The following PPP1R26 variants were observed in gnomAD, a reference collection of about 807,000 sequenced individuals.
PPP1R26 encodes the protein 1A6/DRIM (down-regulated in metastasis) interacting protein.
PPP1R26 carries 22 observed loss-of-function variants against 67.6 expected under a neutral mutation model. The ratio of observed to expected loss-of-function variants is 0.33; its 90% CI spans 0.23 to 0.46. The LOEUF (loss-of-function observed/expected upper bound fraction) is 0.46, where lower values mean the gene tolerates loss of function less well. Among genes scored for constraint, PPP1R26 ranks in the 20% least tolerant of loss-of-function variants. The probability of loss-of-function intolerance (pLI) is 1.00; values close to 1 mark genes in which losing one functional copy is unlikely to be tolerated. For synonymous variants in PPP1R26, 729 were observed against 717.2 expected (o/e 1.02, Z -0.26); for missense variants, 1,602 against 1,651.4 (o/e 0.97, Z 0.52).
chr9:135,487,011 A>G lies in PPP1R26; in HGVS notation c.2501A>G (p.Asn834Ser). 6.2e-7 allele frequency: 1 copy of G among 1,612,084 alleles called. No individual in the cohort carries two copies. Among genetic ancestry groups the G allele is most frequent in the Non-Finnish European group, 8.5e-7 (1 of 1,179,818 alleles). The stretch of plus-strand genomic sequence containing the variant: ...GATGACAGCAGTTCAGTGGACAGCA[A>G]CGACAGCATCGAACTGGAGATTAGG... ...LSDDSSSVDS[N>S]DSIELEIRKF... The change falls in exon 4 of 4, where the codon AAC becomes AGC. Residue 834 changes from asparagine (N) to serine (S), a missense_variant. Coordinates refer to ENST00000356818, the MANE Select transcript of PPP1R26 (RefSeq NM_014811.5).
rs750336238 is a variant in PPP1R26, at chr9:135,485,939, A to T, written c.1429A>T (p.Thr477Ser). 1 of 1,613,396 alleles carries T rather than the reference A, an allele frequency of 6.2e-7. No individual in the cohort carries two copies. Residue 477 changes from threonine (T) to serine (S), a missense_variant, in exon 4 of 4, where the codon ACA becomes TCA. By Grantham distance (58) the Thr-to-Ser change is moderately conservative. This residue lies in a region of PPP1R26 where 680 missense variants were observed against 726.1 expected (regional missense o/e 0.94). Coordinates refer to ENST00000356818, the MANE Select transcript of PPP1R26 (RefSeq NM_014811.5). This position sits in a 1 kb window ranked among gnomAD's most constrained non-coding sequence, Gnocchi z 7.2. ...FVERSSCRAD[T>S]SAELMCAEAI... Reference sequence around the variant, plus strand: ...GGAACGGTCCTCGTGCCGGGCGGACACATCTGCTGAGCTGATGTGTGCAGA... The same window carrying T: ...GGAACGGTCCTCGTGCCGGGCGGACTCATCTGCTGAGCTGATGTGTGCAGA...
At position 135,484,853 on chromosome 9, in the gene PPP1R26, G is replaced by A. The variant is rs1326104941; in HGVS notation, c.343G>A (p.Asp115Asn). 6.2e-7 allele frequency: 1 copy of A among 1,609,658 alleles called. No individual in the cohort carries two copies. The highest frequency in any genetic ancestry group is 1.1e-5 in the South Asian group (1 of 90,818). The change falls in exon 4 of 4, where the codon GAC becomes AAC. Residue 115 changes from aspartate (D) to asparagine (N), a missense_variant. Around this residue, in one of 5 missense-constraint regions of PPP1R26, gnomAD observed 168 missense variants for 176.1 expected, o/e 0.95. Transcript: ENST00000356818. ...CCCCATGGGGGAGGAGGAAACTACA[G>A]ACTTTGGCCCGTTGGTGCTAGATTC... is the stretch of plus-strand genomic sequence containing the variant. ...FDPMGEEETT[D>N]FGPLVLDSDS...
Position 135,482,212 on chromosome 9 carries a change from T to C in PPP1R26, c.-328-471T>C, listed in dbSNP as rs1287369149. Among the ~76,000 whole-genome samples, 3 of 152,258 alleles carry C rather than the reference T, an allele frequency of 2.0e-5. No individual in the cohort carries two copies. In the East Asian group the frequency reaches 5.8e-4, roughly 29 times the overall value. On this transcript the variant is annotated intron_variant, in intron 1 of 3. Transcript: ENST00000356818. Reference sequence around the variant, plus strand: ...TCAGCCCAAGGCTAATGCAAATGTTTTGTCATTTATGTCATTTTGCAGAGG... The same window carrying C: ...TCAGCCCAAGGCTAATGCAAATGTTCTGTCATTTATGTCATTTTGCAGAGG...
In PPP1R26 at chr9:135,487,065, CAGTG is replaced by C. The variant is rs1830765427; in HGVS notation, c.2558_2561del (p.Val853AlafsTer100). 1 of 1,611,262 alleles carries C rather than the reference CAGTG, an allele frequency of 6.2e-7. No individual in the cohort carries two copies. Among genetic ancestry groups the C allele is most frequent in the African/African-American group, 1.3e-5 (1 of 74,888 alleles). On this transcript the variant is annotated frameshift_variant, in exon 4 of 4. Transcript: ENST00000356818. LOFTEE classifies it high-confidence loss of function. ...TTTTTGGCGGAAAAGGCCAAGGAGT[CAGTG>C]AGCAGTTCAGAAGTTCAGGCAGAGG...
In PPP1R26 at chr9:135,487,931, G is replaced by A. The variant is rs201978625; in HGVS notation, c.3421G>A (p.Gly1141Ser). The A allele has an allele frequency of 1.1e-5, 17 of 1,582,706 alleles. No individual in the cohort carries two copies. The highest frequency in any genetic ancestry group is 3.5e-5 in the South Asian group (3 of 86,682). ...CCCACACTTGCTGGCAAAGAAGGAC[G>A]GCGGCCCCTGGCCAACCAGGAAGGC... ...GSPHLLAKKDGGPWPTRKAQA... is the reference protein window; with the variant it reads ...GSPHLLAKKDSGPWPTRKAQA... Residue 1141 changes from glycine to serine, a missense_variant, in exon 4 of 4, where the codon GGC becomes AGC. Gly to Ser is a moderately conservative substitution (Grantham distance 56). This residue lies in a region of PPP1R26 where 740 missense variants were observed against 696.3 expected (regional missense o/e 1.06). Coordinates refer to ENST00000356818, the MANE Select transcript of PPP1R26 (RefSeq NM_014811.5).
At chr9:135,482,987 C>CTTT (rs57608324) in intron 2 of PPP1R26, among the ~76,000 whole-genome samples, 172 bp downstream of exon 2, 34 of 112,044 alleles carry the variant, frequency 3.0e-4, no homozygotes, top group Non-Finnish European at 3.6e-4. Flanking sequence ...TTCTTTCTTT[C>CTTT]TTTTTTTTTT....
In PPP1R26 at chr9:135,487,665, G is replaced by A. The variant is rs757883136; in HGVS notation, c.3155G>A (p.Arg1052Lys). The change falls in exon 4 of 4, where the codon AGG (arginine) becomes AAG (lysine). Residue 1052 changes from arginine to lysine, a missense_variant. Physicochemically the swap from Arg to Lys is conservative, Grantham distance 26 (BLOSUM62 2). Transcript: ENST00000356818. ...LRSEGRDAVW[R>K]GGVGSERDKG... The stretch of plus-strand genomic sequence containing the variant: ...TCCGAAGGCAGAGATGCAGTGTGGA[G>A]GGGGGGCGTCGGGAGCGAGAGAGAC... 3.4e-6 allele frequency: 5 copies of A among 1,463,302 alleles called. No individual in the cohort carries two copies. The Admixed American group carries it at 1.3e-4, about 39-fold the overall frequency. The allele number at this position is 1,463,302 out of a possible 1,614,324, so 90.6% of individuals were successfully genotyped here.
chr9:135,482,983 C>CTTTTTGTTTTTTTTTTTTTTTTT (rs1360229729), intron 2 of PPP1R26, among the ~76,000 whole-genome samples, 168 bp downstream of exon 2: 1 of 125,778 alleles, frequency 8.0e-6, no homozygotes, highest in South Asian at 3.0e-4. Flanking sequence ...CTTTTTCTTT[C>CTTTTTGTTTTTTTTTTTTTTTTT]TTTCTTTTTT....
intron 1 of PPP1R26, among the ~76,000 whole-genome samples, chr9:135,481,083 C>T (rs1401464791): frequency 6.6e-6 from 1 of 152,146 alleles, no homozygotes; most frequent in Admixed American, 6.5e-5. Flanking sequence ...CCACCGCTTC[C>T]TAAAATCTGA....
chr9:135,484,370 T>G (rs2119270285), intron 3 of PPP1R26, 79 bp from the exon 4 acceptor site: 1 of 790,910 alleles, frequency 1.3e-6, no homozygotes, highest in African/African-American at 1.7e-5. Flanking sequence ...GACATGCTGT[T>G]CCTCTGGGGC....
upstream of PPP1R26, chr9:135,479,608 C>T (rs1329971919): frequency 6.9e-6 from 1 of 145,116 alleles, no homozygotes; most frequent in African/African-American, 2.5e-5. The surrounding 1 kb of genome is among the most constrained non-coding windows in gnomAD (Gnocchi z 5.9). Flanking sequence ...TGGGCGCGCT[C>T]TCGCGGGCGG....
At position 135,485,273 on chromosome 9, in the gene PPP1R26, A is replaced by G. The variant is rs1391413392; in HGVS notation, c.763A>G (p.Thr255Ala). ...TGGGTCAGTGGAGAAGAAACCAGAC[A>G]CAAATGAAAATTCCGCCAAGTCACT... ...CDGSVEKKPD[T>A]NENSAKSLLK... The change falls in exon 4 of 4, where the codon ACA (threonine) becomes GCA (alanine). Residue 255 changes from threonine (T) to alanine (A), a missense_variant. Physicochemically the swap from Thr to Ala is moderately conservative, Grantham distance 58. This residue lies in a region of PPP1R26 where 680 missense variants were observed against 726.1 expected (regional missense o/e 0.94). Coordinates refer to ENST00000356818, the MANE Select transcript of PPP1R26 (RefSeq NM_014811.5). The surrounding 1 kb of genome is among the most constrained non-coding windows in gnomAD (Gnocchi z 7.2). 5 of 1,612,848 alleles carry G rather than the reference A, an allele frequency of 3.1e-6. No individual in the cohort carries two copies. The highest frequency in any genetic ancestry group is 4.2e-6 in the Non-Finnish European group (5 of 1,179,968).
intron 1 of PPP1R26, among the ~76,000 whole-genome samples, chr9:135,481,122 G>A (rs1221226359): frequency 6.6e-6 from 1 of 152,120 alleles, no homozygotes; most frequent in African/African-American, 2.4e-5. Flanking sequence ...TGCAGGTGCT[G>A]GGTGTCCCCA....
At chr9:135,483,792 T>C (rs1316856598) in intron 2 of PPP1R26, among the ~76,000 whole-genome samples, 158 bp from the exon 3 acceptor site, 2 of 152,244 alleles carry the variant, frequency 1.3e-5, no homozygotes, top group African/African-American at 4.8e-5. Flanking sequence ...GGGTGACTTC[T>C]GTGCTAGTTA....
Position 135,486,456 on chromosome 9 carries a change from G to A in PPP1R26, c.1946G>A (p.Gly649Glu). The change falls in exon 4 of 4, where the codon GGG becomes GAG. Residue 649 changes from glycine to glutamate, a missense_variant. Physicochemically the swap from Gly to Glu is moderately conservative, Grantham distance 98. Around this residue, in one of 5 missense-constraint regions of PPP1R26, gnomAD observed 680 missense variants for 726.1 expected, o/e 0.94. Coordinates refer to ENST00000356818, the MANE Select transcript of PPP1R26 (RefSeq NM_014811.5). The surrounding 1 kb of genome is among the most constrained non-coding windows in gnomAD (Gnocchi z 6.2). ...IQGKASEALG[G>E]EGTARGPGDT... ...GGCAAAGCCAGTGAGGCCCTGGGAG[G>A]GGAGGGCACCGCCAGGGGCCCTGGC... 1 of 1,613,198 alleles carries A rather than the reference G, an allele frequency of 6.2e-7. No homozygotes were observed. Among genetic ancestry groups the A allele is most frequent in the Non-Finnish European group, 8.5e-7 (1 of 1,179,896 alleles).
chr9:135,488,601 G>T lies in PPP1R26; in HGVS notation c.*461G>T, dbSNP rs1472710820. On this transcript the variant is annotated 3_prime_UTR_variant, in exon 4 of 4. Coordinates refer to ENST00000356818, the MANE Select transcript of PPP1R26 (RefSeq NM_014811.5). The stretch of plus-strand genomic sequence containing the variant: ...ATCACTCAGATGCCCCAAGATGTCC[G>T]TTGGGAAGCTCCCAGGACAGCACTT... 3 of 167,530 alleles carry T rather than the reference G, an allele frequency of 1.8e-5. No individual in the cohort carries two copies. Among genetic ancestry groups the T allele is most frequent in the African/African-American group, 7.2e-5 (3 of 41,476 alleles). The allele number at this position is 167,530 out of a possible 1,614,324, so 10.4% of individuals were successfully genotyped here. A position where few individuals can be genotyped will look rare whatever the true frequency, so the allele number is the denominator to read the frequency against.
In PPP1R26 at chr9:135,484,883, A is replaced by G; in HGVS notation, c.373A>G (p.Ser125Gly). The stretch of plus-strand genomic sequence containing the variant: ...TGGCCCGTTGGTGCTAGATTCAGAC[A>G]GTGATGATTCCGTGGACAGGGACAT... ...DFGPLVLDSD[S>G]DDSVDRDIEE... is the part of the protein sequence containing the mutation. The change falls in exon 4 of 4, where the codon AGT becomes GGT. Residue 125 changes from serine to glycine, a missense_variant. Coordinates refer to ENST00000356818, the MANE Select transcript of PPP1R26 (RefSeq NM_014811.5). 1 of 1,603,134 alleles carries G rather than the reference A, an allele frequency of 6.2e-7. No homozygotes were observed. Among genetic ancestry groups the G allele is most frequent in the Non-Finnish European group, 8.5e-7 (1 of 1,175,078 alleles).
chr9:135,487,235 G>C lies in PPP1R26; in HGVS notation c.2725G>C (p.Glu909Gln). 6.3e-7 allele frequency: 1 copy of C among 1,579,968 alleles called. No homozygotes were observed. Among genetic ancestry groups the C allele is most frequent in the African/African-American group, 1.3e-5 (1 of 74,164 alleles). ...PHLAEGLRGT[E>Q]SAGAQGTAGL... ...TCTGGCCGAAGGGCTTCGAGGCACA[G>C]AGAGCGCAGGAGCACAGGGCACAGC... Residue 909 changes from glutamate to glutamine, a missense_variant, in exon 4 of 4, where the codon GAG becomes CAG. By Grantham distance (29) the Glu-to-Gln change is conservative. Coordinates refer to ENST00000356818, the MANE Select transcript of PPP1R26 (RefSeq NM_014811.5).
At chr9:135,481,563 T>G (rs1378882445) in intron 1 of PPP1R26, among the ~76,000 whole-genome samples, 2 of 150,890 alleles carry the variant, frequency 1.3e-5, no homozygotes, top group African/African-American at 4.9e-5. Context: ...CAAGAATGAT[T>G]CATCTCGCAT....
Sources: gnomAD v4.1 joint callset for allele counts (sites outside exome capture counted in the v4.1 genomes callset) on GRCh38, gnomAD v4.1.1 for gene constraint, gnomAD v4.1.1 regional missense constraint, Gnocchi (gnomAD v3.1) non-coding constraint, MANE v1.5 for transcripts, NCBI Gene and HGNC (gene_info 2026-07-23, HGNC 2026-07-21) for gene names.